The following ZNF804B variants were observed in gnomAD, a reference collection of about 807,000 sequenced individuals.
ZNF804B encodes zinc finger 804B.
ZNF804B carries 80 observed loss-of-function variants against 101.4 expected under a neutral mutation model. That is an observed-to-expected ratio of 0.79 (90% CI 0.66 to 0.95). The LOEUF is 0.95. ZNF804B is among the 40% of genes least tolerant of loss of function. The probability of loss-of-function intolerance (pLI) is 0.00; values close to 1 mark genes in which losing one functional copy is unlikely to be tolerated. For synonymous variants in ZNF804B, 622 were observed against 558.8 expected (o/e 1.11, Z -1.59); for missense variants, 1,673 against 1,561.9 (o/e 1.07, Z -1.20).
intron 2 of ZNF804B, among the ~76,000 whole-genome samples, chr7:89,244,013 T>C (rs1245787454): frequency 6.6e-6 from 1 of 152,024 alleles, no homozygotes; most frequent in African/African-American, 2.4e-5. Context: ...GAAAAAGGAT[T>C]ACAGCTTCTA....
chr7:89,270,388 T>G (rs1789873522), intron 2 of ZNF804B, among the ~76,000 whole-genome samples: 1 of 152,216 alleles, frequency 6.6e-6, no homozygotes, highest in Non-Finnish European at 1.5e-5. Flanking sequence ...ATGGGTGTTA[T>G]TATTTTTGAG....
chr7:89,162,533 TA>T (rs1023278242), intron 1 of ZNF804B, among the ~76,000 whole-genome samples: 6 of 151,934 alleles, frequency 3.9e-5, no homozygotes, highest in African/African-American at 1.4e-4. Context: ...CATTTACTAA[TA>T]CCTTTAATTT....
rs1380972643 is a variant in ZNF804B, at chr7:89,336,290, T to G, written c.3308T>G (p.Val1103Gly). The G allele has an allele frequency of 6.2e-7, 1 of 1,613,868 alleles. No homozygotes were observed. The highest frequency in any genetic ancestry group is 2.2e-5 in the East Asian group (1 of 44,856). Reference protein sequence around the residue: ...EDQINLDLQDVSMHINHVEGN... With the variant: ...EDQINLDLQDGSMHINHVEGN... ...CAAATAAATCTAGACTTACAGGATG[T>G]AAGCATGCATATAAATCATGTAGAG... is the stretch of plus-strand genomic sequence containing the variant. Residue 1103 changes from valine to glycine, a missense_variant, in exon 4 of 4, where the codon GTA becomes GGA. Physicochemically the swap from Val to Gly is moderately radical, Grantham distance 109. Transcript: ENST00000333190.
At chr7:88,776,550 G>A (rs565601197) in intron 1 of ZNF804B, among the ~76,000 whole-genome samples, 19 of 106,660 alleles carry the variant, frequency 1.8e-4, no homozygotes, top group East Asian at 4.7e-4. Flanking sequence ...TCTATTTCTC[G>A]TGGTGTTTTG....
In ZNF804B at chr7:88,857,817, CTTTTCTTTTTTTTTTTTTTTTTT is replaced by C. The variant is rs1434596028; in HGVS notation, c.108+97738_108+97760del. ...CTTCCCTTTCTTTCTCCTTTCCTTT[CTTTTCTTTTTTTTTTTTTTTTTT>C]TTTTTTTTTTTGTCACTGCTGCCCA... is the stretch of plus-strand genomic sequence containing the variant. On this transcript the variant is annotated intron_variant, in intron 1 of 3. Transcript: ENST00000333190. Among the ~76,000 whole-genome samples the C allele has an allele frequency of 6.6e-4, 49 of 74,334 alleles. 1 individual carries two copies. Among genetic ancestry groups the C allele is most frequent in the Admixed American group, 1.3e-3 (10 of 7,516 alleles). The allele number at this position is 74,334 out of a possible 152,430, so 48.8% of individuals were successfully genotyped here.
intron 1 of ZNF804B, among the ~76,000 whole-genome samples, chr7:89,025,213 A>T (rs1788731011): frequency 6.6e-6 from 1 of 152,238 alleles, no homozygotes; most frequent in Non-Finnish European, 1.5e-5. Context: ...CTCAATTATG[A>T]TAGTAGTCAT....
chr7:88,794,887 G>A (rs933391025), intron 1 of ZNF804B: 1 of 1,611,178 alleles, frequency 6.2e-7, no homozygotes, highest in Non-Finnish European at 8.5e-7. Flanking sequence ...AAAAAGAAGA[G>A]GTTCCAGTGG....
At chr7:88,871,773 G>A (rs1435902369) in intron 1 of ZNF804B, among the ~76,000 whole-genome samples, 1 of 152,066 alleles carries the variant, frequency 6.6e-6, no homozygotes, top group Non-Finnish European at 1.5e-5. Flanking sequence ...AGACCAGCCT[G>A]ACCAACATGG....
chr7:89,205,891 C>T (rs1026898115), intron 1 of ZNF804B, among the ~76,000 whole-genome samples: 2 of 152,210 alleles, frequency 1.3e-5, no homozygotes, highest in African/African-American at 4.8e-5. Context: ...ATTGCCCTAG[C>T]AGAGGTTCTC....
intron 2 of ZNF804B, among the ~76,000 whole-genome samples, chr7:89,303,120 T>C (rs533300745): frequency 1.3e-5 from 2 of 151,930 alleles, no homozygotes; most frequent in East Asian, 1.9e-4. Flanking sequence ...AAAGCCAAGA[T>C]GTTTCTGGAT....
chr7:88,903,439 T>C (rs1046656977), intron 1 of ZNF804B, among the ~76,000 whole-genome samples: 1 of 152,138 alleles, frequency 6.6e-6, no homozygotes, highest in Non-Finnish European at 1.5e-5. Context: ...CTTTTTGGTG[T>C]AACAATTTAT....
intron 1 of ZNF804B, among the ~76,000 whole-genome samples, chr7:89,071,385 A>T (rs1789536546): frequency 6.6e-6 from 1 of 152,200 alleles, no homozygotes; most frequent in African/African-American, 2.4e-5. Context: ...TTTATTTTTA[A>T]AAATTTCACT....
chr7:88,989,353 G>A (rs1363139229), intron 1 of ZNF804B, among the ~76,000 whole-genome samples: 1 of 152,158 alleles, frequency 6.6e-6, no homozygotes, highest in East Asian at 1.9e-4. Context: ...GTTCATATTA[G>A]GAGAGACTAG....
intron 2 of ZNF804B, among the ~76,000 whole-genome samples, chr7:89,238,507 G>C (rs931156521): frequency 1.3e-5 from 2 of 152,098 alleles, no homozygotes; most frequent in Non-Finnish European, 2.9e-5. Flanking sequence ...GAGCAAATTT[G>C]TTTTGTGAAA....
At chr7:89,009,947 C>T (rs1788430206) in intron 1 of ZNF804B, among the ~76,000 whole-genome samples, 1 of 152,176 alleles carries the variant, frequency 6.6e-6, no homozygotes, top group Non-Finnish European at 1.5e-5. Context: ...TCCCTATACA[C>T]ATTTTTACTA....
intron 1 of ZNF804B, among the ~76,000 whole-genome samples, chr7:89,032,024 C>A (rs1416968638): frequency 6.6e-6 from 1 of 151,674 alleles, no homozygotes; most frequent in Non-Finnish European, 1.5e-5. Context: ...ACTGTGTGAT[C>A]TCATTTATTT....
chr7:88,888,226 A>G (rs1792162503), intron 1 of ZNF804B, among the ~76,000 whole-genome samples: 1 of 152,026 alleles, frequency 6.6e-6, no homozygotes, highest in African/African-American at 2.4e-5. Context: ...CCCCATCTCT[A>G]TGAAAAGTAT....
At chr7:89,275,711 C>G (rs938836986) in intron 2 of ZNF804B, among the ~76,000 whole-genome samples, 1 of 151,906 alleles carries the variant, frequency 6.6e-6, no homozygotes, top group Non-Finnish European at 1.5e-5. Flanking sequence ...CATTTCCAAC[C>G]ATTTTAAGTA....
At chr7:89,210,017 C>T (rs1309391843) in intron 1 of ZNF804B, among the ~76,000 whole-genome samples, 1 of 151,854 alleles carries the variant, frequency 6.6e-6, no homozygotes, top group Non-Finnish European at 1.5e-5. Context: ...AGCGTGGTGG[C>T]ATGCACCTGT....
Sources: gnomAD v4.1 joint callset for allele counts (sites outside exome capture counted in the v4.1 genomes callset) on GRCh38, gnomAD v4.1.1 for gene constraint, MANE v1.5 for transcripts, NCBI Gene and HGNC (gene_info 2026-07-23, HGNC 2026-07-21) for gene names.